Variants in DIAPH3 observed in about 807,000 individuals in gnomAD.
DIAPH3 encodes diaphanous related formin 3, also known as protein diaphanous homolog 3.
A neutral mutation model predicts 144.3 loss-of-function variants in DIAPH3; 117 were observed. That is an observed-to-expected ratio of 0.81 (90% confidence interval 0.70 to 0.95). DIAPH3 has a LOEUF of 0.95. Ranked by LOEUF, DIAPH3 falls within the 40% of genes least tolerant of loss-of-function variation. The pLI, the probability that DIAPH3 is intolerant of heterozygous loss-of-function variation, is 0.00. For missense variants in DIAPH3, 1,421 were observed against 1,412.7 expected, an observed-to-expected ratio of 1.01 and a Z score of -0.09; for synonymous variants, 519 against 488.9, an observed-to-expected ratio of 1.06 and a Z score of -0.81.
At chr13:59,755,514 T>C (rs1025191323) in intron 27 of DIAPH3, among the ~76,000 whole-genome samples, 1 of 151,992 alleles carries the variant, frequency 6.6e-6, no homozygotes, top group African/African-American at 2.4e-5. Context: ...CAAAATGGTA[T>C]ACTCAAGAAC....
chr13:59,868,851 T>G (rs955301406), intron 21 of DIAPH3, among the ~76,000 whole-genome samples: 1 of 152,202 alleles, frequency 6.6e-6, no homozygotes, highest in Non-Finnish European at 1.5e-5. Context: ...TTTCTATCAC[T>G]TAGCAATACG....
chr13:59,876,681 T>G, intron 21 of DIAPH3, among the ~76,000 whole-genome samples: 1 of 152,190 alleles, frequency 6.6e-6, no homozygotes, highest in East Asian at 1.9e-4. Context: ...AGTCTCCCTG[T>G]CAACAGCTCT....
chr13:60,156,918 C>CATATATATATATATATATATATAT (rs1233542016), intron 1 of DIAPH3, among the ~76,000 whole-genome samples: 15 of 55,654 alleles, frequency 2.7e-4, no homozygotes, highest in South Asian at 5.3e-4. Context: ...CCAGATCCTT[C>CATATATATATATATATATATATAT]ATATATATAT....
chr13:59,827,130 T>C (rs1303409818), intron 24 of DIAPH3, among the ~76,000 whole-genome samples: 2 of 152,132 alleles, frequency 1.3e-5, no homozygotes, highest in Non-Finnish European at 2.9e-5. Context: ...GGGCAAGGAC[T>C]TCATGTCTAA....
intron 2 of DIAPH3, among the ~76,000 whole-genome samples, chr13:60,132,366 T>G (rs1420525581): frequency 6.6e-6 from 1 of 152,152 alleles, no homozygotes; most frequent in Non-Finnish European, 1.5e-5. Context: ...ATTGTTTGTG[T>G]TTTGTTGTTG....
rs566026573 is a variant in DIAPH3, at chr13:59,785,243, CT to C, written c.3164-10421del. The stretch of plus-strand genomic sequence containing the variant: ...AAAAAACTCCAATAGGTTAATATTT[CT>C]GTTTTTTTCTCCCTTATTCGTCATG... On this transcript the variant is annotated intron_variant, in intron 25 of 27. Transcript: ENST00000400324. Among the ~76,000 whole-genome samples the C allele has an allele frequency of 2.5e-3, 374 of 152,206 alleles. 1 individual carries two copies. Among genetic ancestry groups the C allele is most frequent in the African/African-American group, 8.5e-3 (352 of 41,524 alleles).
intron 20 of DIAPH3, among the ~76,000 whole-genome samples, chr13:59,883,475 T>G (rs1384135206): frequency 6.6e-6 from 1 of 152,178 alleles, no homozygotes; most frequent in Non-Finnish European, 1.5e-5. Context: ...CTGAAGTTAT[T>G]ATGAAACTTC....
intron 2 of DIAPH3, among the ~76,000 whole-genome samples, chr13:60,116,761 T>A (rs2058715232): frequency 6.6e-6 from 1 of 152,078 alleles, no homozygotes; most frequent in South Asian, 2.1e-4. Flanking sequence ...AACCTAATGG[T>A]TCTAACAGTA....
intron 17 of DIAPH3, among the ~76,000 whole-genome samples, chr13:59,968,950 C>T (rs1026471376): frequency 2.0e-4 from 31 of 152,256 alleles, no homozygotes; most frequent in African/African-American, 7.0e-4. Context: ...TCTCTCCCTG[C>T]CACCTCTTCC....
intron 27 of DIAPH3, among the ~76,000 whole-genome samples, chr13:59,740,203 A>C (rs1007709822): frequency 6.6e-6 from 1 of 152,232 alleles, no homozygotes; most frequent in African/African-American, 2.4e-5. Context: ...CCTTAAAAAT[A>C]TACCCCATGT....
chr13:59,703,015 A>G (rs1256182766), intron 27 of DIAPH3, among the ~76,000 whole-genome samples: 1 of 152,092 alleles, frequency 6.6e-6, no homozygotes, highest in Non-Finnish European at 1.5e-5. Context: ...AATGTCTGGC[A>G]CTCTCTATCC....
intron 27 of DIAPH3, among the ~76,000 whole-genome samples, chr13:59,680,152 C>T (rs565032671): frequency 2.3e-4 from 35 of 151,922 alleles, no homozygotes; most frequent in Admixed American, 4.6e-4. Context: ...TCAATTTAAA[C>T]CCCAAAATAT....
intron 25 of DIAPH3, among the ~76,000 whole-genome samples, chr13:59,791,583 T>C (rs763642584): frequency 1.3e-5 from 2 of 152,278 alleles, no homozygotes; most frequent in Middle Eastern, 3.4e-3. Flanking sequence ...CTTTCCACTA[T>C]AGACTTTTAT....
intron 22 of DIAPH3, among the ~76,000 whole-genome samples, chr13:59,851,531 T>C (rs531055217): frequency 1.3e-4 from 20 of 152,220 alleles, no homozygotes; most frequent in Admixed American, 7.2e-4. Flanking sequence ...CCACCTAAAA[T>C]GTAAACTTCA....
At chr13:59,944,105 T>C (rs2048682031) in intron 17 of DIAPH3, among the ~76,000 whole-genome samples, 1 of 152,036 alleles carries the variant, frequency 6.6e-6, no homozygotes, top group African/African-American at 2.4e-5. Context: ...TCCCAGCTAC[T>C]TGAGAGGCTG....
At chr13:60,048,059 G>A (rs896638471) in intron 4 of DIAPH3, among the ~76,000 whole-genome samples, 2 of 152,230 alleles carry the variant, frequency 1.3e-5, no homozygotes, top group Non-Finnish European at 2.9e-5. Context: ...GGCCCATGGT[G>A]AATGCCTGCA....
chr13:59,805,853 C>T (rs1237057148), intron 25 of DIAPH3, among the ~76,000 whole-genome samples: 1 of 151,848 alleles, frequency 6.6e-6, no homozygotes, highest in East Asian at 1.9e-4. Flanking sequence ...ATTCTATTAA[C>T]AAAAATCACA....
chr13:59,895,590 T>C (rs2046048267), intron 20 of DIAPH3, among the ~76,000 whole-genome samples: 1 of 152,162 alleles, frequency 6.6e-6, no homozygotes, highest in Admixed American at 6.5e-5. Flanking sequence ...AAGACTATAA[T>C]TAACCAAATA....
intron 27 of DIAPH3, among the ~76,000 whole-genome samples, chr13:59,752,460 T>G (rs1445839922): frequency 1.3e-5 from 2 of 151,500 alleles, no homozygotes; most frequent in African/African-American, 4.9e-5. Context: ...CTCGACCTCC[T>G]AGGCTCAAGC....
Sources: gnomAD v4.1 joint callset for allele counts (sites outside exome capture counted in the v4.1 genomes callset) on GRCh38, gnomAD v4.1.1 for gene constraint, MANE v1.5 for transcripts, NCBI Gene and HGNC (gene_info 2026-07-23, HGNC 2026-07-21) for gene names.